Variants in UBE3A observed in about 807,000 individuals in gnomAD.
UBE3A encodes the protein ubiquitin-protein ligase E3A.
In UBE3A, 6 loss-of-function variants were observed where a neutral mutation model predicts 83.4. The observed-to-expected ratio is 0.07, with a 90% CI of 0.04 to 0.14. The LOEUF (loss-of-function observed/expected upper bound fraction) is 0.14, where lower values mean the gene tolerates loss of function less well. Among genes scored for constraint, UBE3A ranks in the 10% least tolerant of loss-of-function variants. The pLI is 1.00. For synonymous variants in UBE3A, 337 were observed against 355.4 expected (o/e 0.95, Z 0.58); for missense variants, 456 against 1,036.1 (o/e 0.44, Z 7.69).
In UBE3A at chr15:25,340,163, G is replaced by A. The variant is rs587783148; in HGVS notation, c.2420C>T (p.Thr807Met). 4 of 1,613,754 alleles carry A rather than the reference G, an allele frequency of 2.5e-6. No homozygotes were observed. The highest frequency in any genetic ancestry group is 3.4e-6 in the Non-Finnish European group (4 of 1,179,918). The change falls in exon 12 of 13, where the codon ACG becomes ATG. Residue 807 changes from threonine to methionine, a missense_variant. Thr to Met is a moderately conservative substitution (Grantham distance 81). Transcript: ENST00000648336. The part of the protein sequence containing the change: ...EQKRLFLQFT[T>M]GTDRAPVGGL... ...TCCCACAGGTGCTCTGTCTGTGCCC[G>A]TTGTAAACTGCAAGAAGAGTCTTTT...
chr15:25,407,339 G>C (rs941048548), intron 3 of UBE3A: 3 of 939,536 alleles, frequency 3.2e-6, no homozygotes, highest in Admixed American at 5.9e-5. Context: ...GGAAAGAGAA[G>C]AGAGGGAAAA....
rs1352066390 is a variant in UBE3A at position 25,356,654 on chromosome 15, C to T, written c.1959+37G>A. 2.5e-6 allele frequency: 4 copies of T among 1,592,324 alleles called. No homozygotes were observed. The Admixed American group carries it at 6.7e-5, about 27-fold the overall frequency. ...TTAAATTTTTGCATTTAAATAAAAT[C>T]TAAGAGACTGAATTAAAAAAATGAC... On this transcript the variant is annotated intron_variant, in intron 8 of 12. Coordinates refer to ENST00000648336, the MANE Select transcript of UBE3A (RefSeq NM_130839.5).
At chr15:25,436,139 A>G (rs1895014776) in intron 1 of UBE3A, among the ~76,000 whole-genome samples, 1 of 152,206 alleles carries the variant, frequency 6.6e-6, no homozygotes, top group Non-Finnish European at 1.5e-5. Flanking sequence ...TTTTATCCTT[A>G]CATTTGGCAG....
At chr15:25,382,765 G>A (rs749640655) in intron 4 of UBE3A, among the ~76,000 whole-genome samples, 13 of 151,942 alleles carry the variant, frequency 8.6e-5, no homozygotes, top group Non-Finnish European at 1.5e-4. Context: ...TTAGAAAGGC[G>A]ATACAACAAC....
intron 4 of UBE3A, among the ~76,000 whole-genome samples, chr15:25,387,661 C>CAA (rs2083416090): frequency 6.6e-6 from 1 of 151,918 alleles, no homozygotes; most frequent in African/African-American, 2.4e-5. Flanking sequence ...AACAAGATAT[C>CAA]AATAGAGAAA....
At chr15:25,419,773 G>T (rs1389805895) in intron 1 of UBE3A, among the ~76,000 whole-genome samples, 1 of 151,956 alleles carries the variant, frequency 6.6e-6, no homozygotes, top group Non-Finnish European at 1.5e-5. Context: ...AGAGTAAATG[G>T]ATGTATACTA....
chr15:25,422,737 G>A (rs1305957715), intron 1 of UBE3A, among the ~76,000 whole-genome samples: 1 of 150,890 alleles, frequency 6.6e-6, no homozygotes, highest in Non-Finnish European at 1.5e-5. Flanking sequence ...CACTTTGGGA[G>A]GCTGAGGTGG....
intron 2 of UBE3A, among the ~76,000 whole-genome samples, chr15:25,411,321 G>A (rs1263786201): frequency 6.6e-6 from 1 of 152,242 alleles, no homozygotes; most frequent in Non-Finnish European, 1.5e-5. Flanking sequence ...TGGGCGTGGT[G>A]GCTAACGCCT....
chr15:25,406,847 A>C (rs1413783576), intron 3 of UBE3A, among the ~76,000 whole-genome samples: 1 of 127,504 alleles, frequency 7.8e-6, no homozygotes, highest in Non-Finnish European at 1.7e-5. Context: ...AAGGACAAGA[A>C]TGGAAAAGGA....
chr15:25,375,434 A>G (rs1403311229), intron 5 of UBE3A, 31 bp downstream of exon 5: 3 of 1,609,628 alleles, frequency 1.9e-6, no homozygotes, highest in Non-Finnish European at 2.5e-6. Context: ...TTTTCAGGCA[A>G]CAATTCTCAA....
At chr15:25,408,182 G>A in intron 3 of UBE3A, 1 of 168,320 alleles carries the variant, frequency 5.9e-6, no homozygotes, top group Non-Finnish European at 1.3e-5. Context: ...TCGTGCCACT[G>A]CACTCCAGCC....
chr15:25,392,461 A>G (rs537271141), intron 4 of UBE3A, among the ~76,000 whole-genome samples: 10 of 152,284 alleles, frequency 6.6e-5, no homozygotes, highest in Admixed American at 3.9e-4. Flanking sequence ...TCATCTTTCA[A>G]GGATTGAGCA....
intron 4 of UBE3A, among the ~76,000 whole-genome samples, chr15:25,377,210 C>G (rs558081097): frequency 6.6e-6 from 1 of 152,226 alleles, no homozygotes; most frequent in African/African-American, 2.4e-5. Context: ...AAGAAACACA[C>G]GAGATCCAAT....
chr15:25,355,009 G>T (rs2077033480), intron 9 of UBE3A, among the ~76,000 whole-genome samples: 1 of 152,104 alleles, frequency 6.6e-6, no homozygotes, highest in African/African-American at 2.4e-5. Context: ...ACACAAAACT[G>T]TCATACTTAT....
At chr15:25,420,248 C>T (rs561047417) in intron 1 of UBE3A, among the ~76,000 whole-genome samples, 3 of 152,086 alleles carry the variant, frequency 2.0e-5, no homozygotes, top group East Asian at 3.9e-4. Context: ...ACATTACCAG[C>T]GATAAACAGA....
chr15:25,436,984 T>TTA (rs1392033220), intron 1 of UBE3A, among the ~76,000 whole-genome samples: 1 of 152,182 alleles, frequency 6.6e-6, no homozygotes, highest in Admixed American at 6.5e-5. Context: ...TTTGTAAAGA[T>TTA]TATAAGTTAC....
chr15:25,368,215 A>C (rs1251662415), intron 6 of UBE3A, among the ~76,000 whole-genome samples: 1 of 152,142 alleles, frequency 6.6e-6, no homozygotes, highest in African/African-American at 2.4e-5. Flanking sequence ...AATAATCTTA[A>C]ACCACTTTCT....
chr15:25,354,839 A>G (rs528837018), intron 9 of UBE3A, among the ~76,000 whole-genome samples, 156 bp from the exon 10 acceptor site: 1 of 152,178 alleles, frequency 6.6e-6, no homozygotes, highest in African/African-American at 2.4e-5. Context: ...ACAATTTCAC[A>G]ATTCTCTGTT....
intron 1 of UBE3A, among the ~76,000 whole-genome samples, chr15:25,431,139 A>C (rs1456045123): frequency 6.6e-6 from 1 of 152,192 alleles, no homozygotes; most frequent in Non-Finnish European, 1.5e-5. Context: ...CCATTCTGTG[A>C]AGCAGGATGT....
Sources: gnomAD v4.1 joint callset for allele counts (sites outside exome capture counted in the v4.1 genomes callset) on GRCh38, gnomAD v4.1.1 for gene constraint, MANE v1.5 for transcripts, NCBI Gene and HGNC (gene_info 2026-07-23, HGNC 2026-07-21) for gene names.